ACOT1: variants seen among roughly 807,000 people sequenced by gnomAD.
ACOT1 encodes the protein acyl-coenzyme A thioesterase 1.
ACOT1 carries 8 observed loss-of-function variants against 15.7 expected under a neutral mutation model. That is an observed-to-expected ratio of 0.51 (90% CI 0.30 to 0.92). ACOT1 has a LOEUF of 0.92. ACOT1 is among the 40% of genes least tolerant of loss of function. The pLI, the probability that ACOT1 is intolerant of heterozygous loss-of-function variation, is 0.06. For missense variants in ACOT1, 151 were observed against 539.4 expected, an observed-to-expected ratio of 0.28 and a Z score of 7.13; for synonymous variants, 67 against 241.2, an observed-to-expected ratio of 0.28 and a Z score of 6.69.
At chr14:73,509,235 G>A in the ACOT1 span, 1 of 1,369,182 alleles carries the variant, frequency 7.3e-7, no homozygotes, top group South Asian at 1.2e-5. Context: ...TCACAGTGGA[G>A]AGGAAAGGAC....
the ACOT1 span, chr14:73,491,489 G>A: frequency 6.7e-7 from 1 of 1,503,596 alleles, no homozygotes; most frequent in Non-Finnish European, 8.8e-7. Context: ...CTTAGCGGCC[G>A]TCCAGTCGTC....
chr14:73,522,833 T>G, the ACOT1 span: 4 of 1,614,196 alleles, frequency 2.5e-6, no homozygotes, highest in Middle Eastern at 1.6e-4. Context: ...CTTCCTGATC[T>G]GGGGAGTATG....
chr14:73,527,961 CAAAAAAAAAAAAAA>C, the ACOT1 span, among the ~76,000 whole-genome samples: 2 of 52,694 alleles, frequency 3.8e-5, no homozygotes, highest in East Asian at 1.2e-3. Flanking sequence ...AACTCCATCT[CAAAAAAAAAAAAAA>C]AAAAAAAAAA....
the ACOT1 span, chr14:73,491,730 A>G: frequency 6.4e-7 from 1 of 1,552,674 alleles, no homozygotes; most frequent in South Asian, 1.2e-5. Flanking sequence ...CACACCTACT[A>G]CCAGGGACTT....
chr14:73,509,549 T>C, the ACOT1 span: 1 of 1,494,114 alleles, frequency 6.7e-7, no homozygotes, highest in South Asian at 1.2e-5. Flanking sequence ...CCTACAGCCA[T>C]GTGGTGGCCA....
the ACOT1 span, chr14:73,495,186 T>C: frequency 6.4e-7 from 1 of 1,568,878 alleles, no homozygotes; most frequent in Non-Finnish European, 8.7e-7. Context: ...AAGAGGCTTA[T>C]TAAAGGAATC....
chr14:73,501,911 G>A, the ACOT1 span, among the ~76,000 whole-genome samples: 5 of 151,456 alleles, frequency 3.3e-5, no homozygotes, highest in African/African-American at 1.2e-4. Context: ...CCGCCACCAC[G>A]CCCTTTTGTA....
chr14:73,510,205 A>G, the ACOT1 span, among the ~76,000 whole-genome samples: 1 of 151,442 alleles, frequency 6.6e-6, no homozygotes, highest in African/African-American at 2.4e-5. Flanking sequence ...GTAGTGCTTT[A>G]TAATATAGTG....
chr14:73,499,205 G>A, the ACOT1 span: 186 of 1,355,484 alleles, frequency 1.4e-4, no homozygotes, highest in Non-Finnish European at 1.8e-4. Context: ...AAACAGCTGG[G>A]TGCGGTGGTG....
At chr14:73,508,044 C>T in the ACOT1 span, 1 of 1,258,086 alleles carries the variant, frequency 7.9e-7, no homozygotes, top group Admixed American at 1.8e-5. Context: ...CTGCCCCGGC[C>T]CCAGCTGCAT....
At chr14:73,520,929 T>C in the ACOT1 span, 1 of 1,614,016 alleles carries the variant, frequency 6.2e-7, no homozygotes, top group Non-Finnish European at 8.5e-7. Flanking sequence ...CTGGCGAAAG[T>C]AGCTCTGGGT....
the ACOT1 span, chr14:73,496,760 A>G: frequency 1.3e-6 from 1 of 788,572 alleles, no homozygotes; most frequent in Non-Finnish European, 2.2e-6. Flanking sequence ...AGGACTTGGA[A>G]TCAGGTAAGA....
chr14:73,512,706 G>A, the ACOT1 span, among the ~76,000 whole-genome samples: 295 of 152,138 alleles, frequency 1.9e-3, 9 homozygotes, highest in East Asian at 0.049. Flanking sequence ...TGTCTTTGAG[G>A]GCACTTCCAT....
At chr14:73,493,218 CAG>C in the ACOT1 span, 1 of 1,007,560 alleles carries the variant, frequency 9.9e-7, no homozygotes, top group East Asian at 2.4e-5. Flanking sequence ...CTTCAGGCTT[CAG>C]TGTACTGGGT....
At chr14:73,504,403 C>T in the ACOT1 span, among the ~76,000 whole-genome samples, 258 of 152,230 alleles carry the variant, frequency 1.7e-3, no homozygotes, top group Non-Finnish European at 3.0e-3. Flanking sequence ...CCACCACACC[C>T]GCCTAATTTT....
chr14:73,528,314 G>C, the ACOT1 span, among the ~76,000 whole-genome samples: 1 of 149,984 alleles, frequency 6.7e-6, no homozygotes, highest in African/African-American at 2.5e-5. Flanking sequence ...ATCGCTTGAA[G>C]CTGGGAGGCG....
At chr14:73,491,810 G>A in the ACOT1 span, 1 of 1,600,288 alleles carries the variant, frequency 6.2e-7, no homozygotes, top group South Asian at 1.1e-5. Flanking sequence ...TTTGGACGCC[G>A]CTCGCTACAT....
the ACOT1 span, among the ~76,000 whole-genome samples, chr14:73,531,828 T>C: frequency 9.0e-6 from 1 of 110,796 alleles, no homozygotes; most frequent in Admixed American, 1.0e-4. Flanking sequence ...GAGACCAGCC[T>C]GACCAACATG....
chr14:73,491,361 T>G, the ACOT1 span: 1 of 1,381,088 alleles, frequency 7.2e-7, no homozygotes, highest in Non-Finnish European at 9.3e-7. Context: ...GCGCGCTCCC[T>G]GCAGACCCCG....
Sources: allele counts gnomAD v4.1 joint callset (sites outside exome capture counted in the v4.1 genomes callset), GRCh38; gene constraint gnomAD v4.1.1; transcripts MANE v1.5; gene names NCBI Gene and HGNC (gene_info 2026-07-23, HGNC 2026-07-21).